The following BDNF variants were observed in gnomAD, a reference collection of about 807,000 sequenced individuals.
BDNF encodes brain derived neurotrophic factor.
A neutral mutation model predicts 19.5 loss-of-function variants in BDNF; 1 was observed. That is an observed-to-expected ratio of 0.05 (90% CI 0.02 to 0.24). BDNF has a LOEUF of 0.24. Ranked by LOEUF, BDNF falls within the 10% of genes least tolerant of loss-of-function variation. BDNF has a pLI of 1.00. For missense variants in BDNF, 195 were observed against 317.6 expected, an observed-to-expected ratio of 0.61 and a Z score of 2.93; for synonymous variants, 100 against 121.6, an observed-to-expected ratio of 0.82 and a Z score of 1.17.
exon 1 of BDNF, chr11:27,721,731 G>A (rs1860742500): frequency 1.1e-5 from 5 of 471,934 alleles, no homozygotes; most frequent in Admixed American, 3.4e-5. Flanking sequence ...ATGAATGAGC[G>A]AGGTTACCAA....
intron 1 of BDNF, among the ~76,000 whole-genome samples, chr11:27,669,056 C>A (rs1213136813): frequency 6.6e-6 from 1 of 152,160 alleles, no homozygotes; most frequent in East Asian, 1.9e-4. Context: ...AAAAGCTTAT[C>A]CACCATGATC....
rs535262366 is a variant in BDNF, at chr11:27,658,678, A to G, written c.-21-93T>C. On this transcript the variant is annotated intron_variant, in intron 1 of 1. Transcript: ENST00000356660. The surrounding 1 kb of genome is among the most constrained non-coding windows in gnomAD (Gnocchi z 5.7). Reference sequence around the variant, plus strand: ...GCCCATCTGATTGTAATTCCAGGCCATTCTGCAGGGTCAAGGTTTTTTTAT... The same window carrying G: ...GCCCATCTGATTGTAATTCCAGGCCGTTCTGCAGGGTCAAGGTTTTTTTAT... 1.1e-5 allele frequency: 17 copies of G among 1,609,230 alleles called. No homozygotes were observed. The African/African-American group carries it at 2.0e-4, about 19-fold the overall frequency.
chr11:27,681,270 G>A lies in BDNF; in HGVS notation c.-22+18894C>T, dbSNP rs376261550. Among the ~76,000 whole-genome samples the A allele has an allele frequency of 7.0e-4, 107 of 152,236 alleles. 5 individuals carry two copies. The South Asian group carries it at 0.022, about 31-fold the overall frequency. On this transcript the variant is annotated intron_variant, in intron 1 of 1. Coordinates refer to ENST00000356660, the MANE Select transcript of BDNF (RefSeq NM_001709.5). Reference sequence around the variant, plus strand: ...GTCCAGGAACACAGGTACAGGCTGGGGCTGCCTCATGAAGTGTCTGTTTAG... The same window carrying A: ...GTCCAGGAACACAGGTACAGGCTGGAGCTGCCTCATGAAGTGTCTGTTTAG...
At chr11:27,695,428 C>T in intron 1 of BDNF, among the ~76,000 whole-genome samples, 1 of 152,084 alleles carries the variant, frequency 6.6e-6, no homozygotes, top group Admixed American at 6.5e-5. Flanking sequence ...GAAATCCTCC[C>T]TTGCCTGACC....
chr11:27,720,341 C>T (rs1183081865), intron 1 of BDNF: 15 of 985,744 alleles, frequency 1.5e-5, no homozygotes, highest in Non-Finnish European at 1.6e-5. Flanking sequence ...CGCCCTGGTG[C>T]TTACCTTCTT....
At chr11:27,718,623 C>T (rs1860621916) in intron 1 of BDNF, among the ~76,000 whole-genome samples, 1 of 137,742 alleles carries the variant, frequency 7.3e-6, no homozygotes. Context: ...ACGACTGGAT[C>T]TCGGAACAAT....
In BDNF at chr11:27,658,106, T is replaced by C; in HGVS notation, c.459A>G (p.Lys153=). Residue 153 remains lysine, a synonymous_variant, in exon 2 of 2, where the codon AAA becomes AAG. Transcript: ENST00000356660. The surrounding 1 kb of genome is among the most constrained non-coding windows in gnomAD (Gnocchi z 5.7). ...CGCCCGACATGTCCACTGCAGTCTT[T>C]TTGTCTGCCGCCGTTACCCACTCAC... ...SISEWVTAAD[K]KTAVDMSGGT... 1.2e-6 allele frequency: 2 copies of C among 1,614,148 alleles called. No individual in the cohort carries two copies. The highest frequency in any genetic ancestry group is 2.2e-5 in the South Asian group (2 of 91,082).
At chr11:27,659,696 G>A (rs1853147508) in intron 1 of BDNF, 2 of 995,548 alleles carry the variant, frequency 2.0e-6, no homozygotes, top group South Asian at 4.7e-5. Context: ...CTTTTAAAAA[G>A]CTGAGTGGTG....
At position 27,674,238 on chromosome 11, in the gene BDNF, A is replaced by G. The variant is rs369607397; in HGVS notation, c.-21-15653T>C. ...AAACTCAGCATTCTGAGTAGTAACA[A>G]GGATTAACCTTGTGCACTCATGGAG... On this transcript the variant is annotated intron_variant, in intron 1 of 1. Transcript: ENST00000356660. 1.1e-3 allele frequency: 1,749 copies of G among 1,590,940 alleles called. 29 individuals carry two copies. In the South Asian group the frequency reaches 0.019, roughly 17 times the overall value.
intron 1 of BDNF, among the ~76,000 whole-genome samples, chr11:27,698,414 A>G (rs1331014235): frequency 2.6e-5 from 4 of 152,156 alleles, no homozygotes; most frequent in African/African-American, 9.7e-5. Context: ...ATGCCATAAC[A>G]TCAGAAATCT....
upstream of BDNF, chr11:27,701,733 C>T (rs1295675727): frequency 2.0e-6 from 1 of 492,496 alleles, no homozygotes; most frequent in Non-Finnish European, 2.6e-6. Context: ...TTACCAGAAT[C>T]AAAATTCAGC....
chr11:27,658,537 T>A lies in BDNF; in HGVS notation c.28A>T (p.Ile10Phe). Reference sequence around the variant, plus strand: ...GCCTTCATGCAACCAAAGTATGAAATAACCATAGTAAGGAAAAGGATGGTC... The same window carrying A: ...GCCTTCATGCAACCAAAGTATGAAAAAACCATAGTAAGGAAAAGGATGGTC... Reference protein sequence around the residue: MTILFLTMVISYFGCMKAAP... With the variant: MTILFLTMVFSYFGCMKAAP... Residue 10 changes from isoleucine (I) to phenylalanine (F), a missense_variant, in exon 2 of 2, where the codon ATT becomes TTT. Physicochemically the swap from Ile to Phe is conservative, Grantham distance 21 (BLOSUM62 0). Around this residue, in one of 2 missense-constraint regions of BDNF, gnomAD observed 124 missense variants for 155.0 expected, o/e 0.80. Coordinates refer to ENST00000356660, the MANE Select transcript of BDNF (RefSeq NM_001709.5). This position sits in a 1 kb window ranked among gnomAD's most constrained non-coding sequence, Gnocchi z 5.7. 1.9e-6 allele frequency: 3 copies of A among 1,614,160 alleles called. No homozygotes were observed. The highest frequency in any genetic ancestry group is 2.5e-6 in the Non-Finnish European group (3 of 1,180,016).
chr11:27,674,455 C>G (rs1021157759), intron 1 of BDNF: 194 of 1,424,654 alleles, frequency 1.4e-4, no homozygotes, highest in Non-Finnish European at 1.7e-4. Flanking sequence ...TCTGAAGTGT[C>G]ACGGTTCATT....
At chr11:27,671,928 G>C (rs768014717) in intron 1 of BDNF, among the ~76,000 whole-genome samples, 1 of 152,110 alleles carries the variant, frequency 6.6e-6, no homozygotes, top group Non-Finnish European at 1.5e-5. Flanking sequence ...AGGCTGCTTA[G>C]GATAAGGAAA....
intron 1 of BDNF, among the ~76,000 whole-genome samples, chr11:27,699,831 C>A (rs911838256): frequency 2.0e-5 from 3 of 152,140 alleles, no homozygotes; most frequent in Non-Finnish European, 2.9e-5. Context: ...AAGTCTCTCT[C>A]GACTACTCCT....
Position 27,656,697 on chromosome 11 carries a change from CATT to C in BDNF, c.*1121_*1123del, listed in dbSNP as rs1467524704. On this transcript the variant is annotated 3_prime_UTR_variant, in exon 2 of 2. Coordinates refer to ENST00000356660, the MANE Select transcript of BDNF (RefSeq NM_001709.5). ...AGGGCTCTACCTTTTGCTTACAAGA[CATT>C]GTTAAGCCTCACCATGAGTTTTTTT... 4 of 985,518 alleles carry C rather than the reference CATT, an allele frequency of 4.1e-6. No homozygotes were observed. The highest frequency in any genetic ancestry group is 4.8e-6 in the Non-Finnish European group (4 of 829,920). 61.0% of individuals were successfully genotyped at this position (985,518 alleles called of 1,614,324 possible).
At chr11:27,710,597 A>C (rs1860284850) in intron 1 of BDNF, among the ~76,000 whole-genome samples, 1 of 152,218 alleles carries the variant, frequency 6.6e-6, no homozygotes, top group African/African-American at 2.4e-5. Flanking sequence ...AACAGGGACT[A>C]TAAGCCTTGT....
At chr11:27,704,652 T>C (rs1033944091), upstream of BDNF, among the ~76,000 whole-genome samples, 1 of 152,170 alleles carries the variant, frequency 6.6e-6, no homozygotes, top group Non-Finnish European at 1.5e-5. Flanking sequence ...AACAGAAAAC[T>C]CTGCTGTTGA....
chr11:27,658,757 C>A lies in BDNF; in HGVS notation c.-21-172G>T. 1 of 1,503,644 alleles carries A rather than the reference C, an allele frequency of 6.7e-7. No homozygotes were observed. The highest frequency in any genetic ancestry group is 2.2e-5 in the Admixed American group (1 of 44,458). The allele number at this position is 1,503,644 out of a possible 1,614,324, so 93.1% of individuals were successfully genotyped here. On this transcript the variant is annotated intron_variant, in intron 1 of 1. Transcript: ENST00000356660. This position sits in a 1 kb window ranked among gnomAD's most constrained non-coding sequence, Gnocchi z 5.7. ...GACACAAATCAGTGTCAGTAGTGTGCTGTATGTGGTTTAATATAAACCAGA... is the reference window on the plus strand; with the variant it reads ...GACACAAATCAGTGTCAGTAGTGTGATGTATGTGGTTTAATATAAACCAGA...
Sources: gnomAD v4.1 joint callset for allele counts (sites outside exome capture counted in the v4.1 genomes callset) on GRCh38, gnomAD v4.1.1 for gene constraint, gnomAD v4.1.1 regional missense constraint, Gnocchi (gnomAD v3.1) non-coding constraint, MANE v1.5 for transcripts, NCBI Gene and HGNC (gene_info 2026-07-23, HGNC 2026-07-21) for gene names.